Variants in AGAP1 observed in about 807,000 individuals in gnomAD.
The protein encoded by AGAP1 is ArfGAP with GTPase domain, ankyrin repeat and PH domain 1.
AGAP1 carries 29 observed loss-of-function variants against 105.3 expected under a neutral mutation model. The observed-to-expected ratio is 0.28, with a 90% confidence interval of 0.21 to 0.38. The LOEUF is 0.38. Among genes scored for constraint, AGAP1 ranks in the 10% least tolerant of loss-of-function variants. The pLI is 1.00. For missense variants in AGAP1, 998 were observed against 1,165.1 expected (o/e 0.86, Z 2.09); for synonymous variants, 509 against 485.9 (o/e 1.05, Z -0.63).
chr2:235,775,033 T>G (rs1955755990), intron 6 of AGAP1, among the ~76,000 whole-genome samples: 1 of 152,272 alleles, frequency 6.6e-6, no homozygotes, highest in East Asian at 1.9e-4. Flanking sequence ...TGGGAAAGTT[T>G]GAGAGAAAGC....
Position 235,982,305 on chromosome 2 carries a change from T to A in AGAP1, c.1645+13682T>A, listed in dbSNP as rs1224841681. Among the ~76,000 whole-genome samples the A allele has an allele frequency of 6.6e-6, 1 of 150,810 alleles. No individual in the cohort carries two copies. Among genetic ancestry groups the A allele is most frequent in the Non-Finnish European group, 1.5e-5 (1 of 68,032 alleles). ...TGCAGAGTAACTCTTACAATTAACA[T>A]ATAATTACCTCAACGGGCCAATTAA... On this transcript the variant is annotated intron_variant, in intron 13 of 17. Coordinates refer to ENST00000304032, the MANE Select transcript of AGAP1 (RefSeq NM_001037131.3). The surrounding 1 kb of genome is among the most constrained non-coding windows in gnomAD (Gnocchi z 4.9).
In AGAP1 at chr2:235,550,864, T is replaced by A. The variant is rs569076118; in HGVS notation, c.163+56015T>A. Among the ~76,000 whole-genome samples the A allele has an allele frequency of 3.3e-4, 51 of 152,244 alleles. No homozygotes were observed. The highest frequency in any genetic ancestry group is 2.9e-3 in the South Asian group (14 of 4,814). ...GTCTCGGCTCACTACAACCTCCACC[T>A]CCTGGGTCCAAGCAATTCTCCTGCC... is the stretch of plus-strand genomic sequence containing the variant. On this transcript the variant is annotated intron_variant, in intron 1 of 17. Transcript: ENST00000304032. This position sits in a 1 kb window ranked among gnomAD's most constrained non-coding sequence, Gnocchi z 4.6.
At position 235,823,838 on chromosome 2, in the gene AGAP1, C is replaced by G. The variant is rs73126465; in HGVS notation, c.1050+16507C>G. Among the ~76,000 whole-genome samples the G allele has an allele frequency of 2.2e-3, 341 of 152,226 alleles. 1 individual carries two copies. Among genetic ancestry groups the G allele is most frequent in the African/African-American group, 7.8e-3 (325 of 41,520 alleles). On this transcript the variant is annotated intron_variant, in intron 9 of 17. Coordinates refer to ENST00000304032, the MANE Select transcript of AGAP1 (RefSeq NM_001037131.3). ...ATGTGGTTACTAAGAGACAACATGA[C>G]CATCCTTTGTGTGTTTATGTATCTA...
At chr2:235,917,893 G>A (rs779777055) in intron 11 of AGAP1, among the ~76,000 whole-genome samples, 2 of 152,156 alleles carry the variant, frequency 1.3e-5, no homozygotes, top group Non-Finnish European at 1.5e-5. Context: ...CTGCAGACGC[G>A]GAGTCGCGAA....
chr2:235,613,680 C>G (rs917987064), intron 1 of AGAP1, among the ~76,000 whole-genome samples: 4 of 152,192 alleles, frequency 2.6e-5, no homozygotes, highest in Non-Finnish European at 5.9e-5. Flanking sequence ...TCACAGATAA[C>G]TAGAACCACT....
At chr2:235,781,506 A>C (rs995467272) in intron 6 of AGAP1, among the ~76,000 whole-genome samples, 1 of 152,204 alleles carries the variant, frequency 6.6e-6, no homozygotes, top group Admixed American at 6.5e-5. Context: ...TGAATTATGG[A>C]TGTTATGACA....
chr2:235,789,404 T>C lies in AGAP1; in HGVS notation c.674-8355T>C, dbSNP rs1217552204. On this transcript the variant is annotated intron_variant, in intron 6 of 17. Coordinates refer to ENST00000304032, the MANE Select transcript of AGAP1 (RefSeq NM_001037131.3). This position sits in a 1 kb window ranked among gnomAD's most constrained non-coding sequence, Gnocchi z 4.2. ...TAGGAGCAATTAAACAATAGCTTCA[T>C]TTCCAGCAAATTAACAACCCTAATA... 6.6e-6 allele frequency among the ~76,000 whole-genome samples: 1 copy of C among 152,202 alleles called. No individual in the cohort carries two copies. The highest frequency in any genetic ancestry group is 2.4e-5 in the African/African-American group (1 of 41,454).
intron 1 of AGAP1, among the ~76,000 whole-genome samples, chr2:235,564,267 G>C (rs946678138): frequency 6.6e-6 from 1 of 152,202 alleles, no homozygotes; most frequent in Non-Finnish European, 1.5e-5. Flanking sequence ...TTAAATGACA[G>C]CCTTGAGCCT....
Position 235,867,642 on chromosome 2 carries a change from G to A in AGAP1, c.1051-15703G>A, listed in dbSNP as rs919509893. 6.6e-6 allele frequency among the ~76,000 whole-genome samples: 1 copy of A among 151,786 alleles called. No homozygotes were observed. Among genetic ancestry groups the A allele is most frequent in the African/African-American group, 2.4e-5 (1 of 41,292 alleles). ...ATGGATTTTCACTGTCTTGGGTCCA[G>A]GCCTATTTCTAGCTAAGTGTTATCT... On this transcript the variant is annotated intron_variant, in intron 9 of 17. Transcript: ENST00000304032. This position sits in a 1 kb window ranked among gnomAD's most constrained non-coding sequence, Gnocchi z 5.4.
Position 235,714,268 on chromosome 2 carries a change from G to A in AGAP1, c.223-3289G>A, listed in dbSNP as rs543832289. ...TGACCTCAGGTGATCCACCTGCCTC[G>A]GCCTCCCAAAGTGCTGGGATTACAG... On this transcript the variant is annotated intron_variant, in intron 2 of 17. Transcript: ENST00000304032. This position sits in a 1 kb window ranked among gnomAD's most constrained non-coding sequence, Gnocchi z 4.1. Among the ~76,000 whole-genome samples, 225 of 151,976 alleles carry A rather than the reference G, an allele frequency of 1.5e-3. 1 individual carries two copies. Among genetic ancestry groups the A allele is most frequent in the African/African-American group, 4.8e-3 (197 of 41,442 alleles).
Position 235,777,832 on chromosome 2 carries a change from C to G in AGAP1, c.674-19927C>G, listed in dbSNP as rs115774867. Among the ~76,000 whole-genome samples the G allele has an allele frequency of 6.0e-3, 916 of 152,284 alleles. 5 individuals carry two copies. The highest frequency in any genetic ancestry group is 0.02 in the African/African-American group (846 of 41,554). On this transcript the variant is annotated intron_variant, in intron 6 of 17. Coordinates refer to ENST00000304032, the MANE Select transcript of AGAP1 (RefSeq NM_001037131.3). The surrounding 1 kb of genome is among the most constrained non-coding windows in gnomAD (Gnocchi z 5.1). ...ACATACAGAGATAGAACAAATATGGCAAAGGACTTGTATTTATTGGATATT... is the reference window on the plus strand; with the variant it reads ...ACATACAGAGATAGAACAAATATGGGAAAGGACTTGTATTTATTGGATATT...
chr2:235,844,839 G>A (rs904483610), intron 9 of AGAP1, among the ~76,000 whole-genome samples: 5 of 152,092 alleles, frequency 3.3e-5, no homozygotes, highest in Admixed American at 6.5e-5. Context: ...CCTCTCCCTG[G>A]CCCGAGGGGG....
chr2:235,891,414 A>G lies in AGAP1; in HGVS notation c.1155+7965A>G, dbSNP rs1217105409. Among the ~76,000 whole-genome samples the G allele has an allele frequency of 6.6e-6, 1 of 152,158 alleles. No homozygotes were observed. The highest frequency in any genetic ancestry group is 1.5e-5 in the Non-Finnish European group (1 of 68,044). ...TATGAGTGTCTCATGGTTTTCAGAC[A>G]CTTTGCTGGATCACAGTTCAGGTGG... On this transcript the variant is annotated intron_variant, in intron 10 of 17. Transcript: ENST00000304032. The surrounding 1 kb of genome is among the most constrained non-coding windows in gnomAD (Gnocchi z 4.2).
chr2:235,933,370 A>G (rs2125166825), intron 12 of AGAP1, among the ~76,000 whole-genome samples: 1 of 152,196 alleles, frequency 6.6e-6, no homozygotes, highest in East Asian at 1.9e-4. Flanking sequence ...AGAGACCAGA[A>G]GAGATGAGTG....
At chr2:236,041,820 T>C (rs964808121) in intron 15 of AGAP1, among the ~76,000 whole-genome samples, 3 of 152,150 alleles carry the variant, frequency 2.0e-5, no homozygotes, top group Admixed American at 6.5e-5. Flanking sequence ...AGCTAAGCGC[T>C]GGGGAGAGCC....
chr2:236,107,430 G>A (rs924538380), intron 16 of AGAP1, among the ~76,000 whole-genome samples: 7 of 152,092 alleles, frequency 4.6e-5, no homozygotes, highest in African/African-American at 7.2e-5. Context: ...CTTTTTGCGC[G>A]CTTTCATGAT....
rs2149331199 is a variant in AGAP1 at position 235,655,872 on chromosome 2, T to G, written c.164-53307T>G. Among the ~76,000 whole-genome samples the G allele has an allele frequency of 6.6e-6, 1 of 152,296 alleles. No homozygotes were observed. The highest frequency in any genetic ancestry group is 2.1e-4 in the South Asian group (1 of 4,812). Reference sequence around the variant, plus strand: ...CCATCCTGGATGCTGGGGAAGAATCTTTGTTGGAATATGACCCTGGGTTTT... The same window carrying G: ...CCATCCTGGATGCTGGGGAAGAATCGTTGTTGGAATATGACCCTGGGTTTT... On this transcript the variant is annotated intron_variant, in intron 1 of 17. Transcript: ENST00000304032. This position sits in a 1 kb window ranked among gnomAD's most constrained non-coding sequence, Gnocchi z 4.3.
At chr2:235,576,717 A>G (rs1199637589) in intron 1 of AGAP1, among the ~76,000 whole-genome samples, 1 of 152,234 alleles carries the variant, frequency 6.6e-6, no homozygotes, top group Non-Finnish European at 1.5e-5. Context: ...CCTCTGAGGG[A>G]GGACTGTCGC....
intron 13 of AGAP1, among the ~76,000 whole-genome samples, chr2:235,980,501 A>G (rs984408147): frequency 1.4e-4 from 22 of 152,186 alleles, no homozygotes; most frequent in African/African-American, 5.1e-4. Flanking sequence ...AGTGTTTGAT[A>G]ATATTTAAGA....
Sources: allele counts gnomAD v4.1 joint callset (sites outside exome capture counted in the v4.1 genomes callset), GRCh38; gene constraint gnomAD v4.1.1; non-coding constraint Gnocchi (gnomAD v3.1); transcripts MANE v1.5; gene names NCBI Gene and HGNC (gene_info 2026-07-23, HGNC 2026-07-21).